The following ZNF383 variants were observed in gnomAD, a reference collection of about 807,000 sequenced individuals.
ZNF383 encodes the protein zinc finger protein 383.
In ZNF383, 32 loss-of-function variants were observed where a neutral mutation model predicts 44.2. The ratio of observed to expected loss-of-function variants is 0.72; its 90% CI spans 0.55 to 0.97. ZNF383 has a LOEUF of 0.97. Among genes scored for constraint, ZNF383 ranks in the 50% least tolerant of loss-of-function variants. The pLI is 0.00. For synonymous variants in ZNF383, 155 were observed against 186.2 expected (o/e 0.83, Z 1.36); for missense variants, 487 against 562.5 (o/e 0.87, Z 1.36).
intron 3 of ZNF383, among the ~76,000 whole-genome samples, chr19:37,232,958 A>T (rs565027005): frequency 8.7e-5 from 13 of 149,042 alleles, no homozygotes; most frequent in African/African-American, 2.5e-4. Flanking sequence ...ATATTCTCTT[A>T]TTTTTTTTTT....
rs1201342150 is a variant in ZNF383 at position 37,248,555 on chromosome 19, G to T, written c.*4891G>T. Reference sequence around the variant, plus strand: ...TGAACTCAGGAACCAAATAGATGTGGATAGCATGGGATTTTTGGAATACAA... The same window carrying T: ...TGAACTCAGGAACCAAATAGATGTGTATAGCATGGGATTTTTGGAATACAA... On this transcript the variant is annotated 3_prime_UTR_variant, in exon 6 of 6. Transcript: ENST00000684119. 1.3e-5 allele frequency: 2 copies of T among 152,142 alleles called. No homozygotes were observed. Among genetic ancestry groups the T allele is most frequent in the East Asian group, 3.9e-4 (2 of 5,190 alleles). 9.4% of individuals were successfully genotyped at this position (152,142 alleles called of 1,614,324 possible).
At chr19:37,235,375 G>C (rs1334743283) in intron 3 of ZNF383, among the ~76,000 whole-genome samples, 174 bp from the exon 4 acceptor site, 1 of 152,080 alleles carries the variant, frequency 6.6e-6, no homozygotes, top group East Asian at 1.9e-4. Flanking sequence ...GACAGAGTCA[G>C]GAATTTGTTT....
At chr19:37,235,884 T>C (rs1200136798) in intron 4 of ZNF383, 95 bp from the exon 5 acceptor site, 2 of 1,262,690 alleles carry the variant, frequency 1.6e-6, no homozygotes, top group African/African-American at 1.5e-5. Flanking sequence ...TTTCTTTGGC[T>C]GTTCCTGTAG....
At chr19:37,229,680 A>G (rs1973368969) in intron 2 of ZNF383, among the ~76,000 whole-genome samples, 1 of 123,598 alleles carries the variant, frequency 8.1e-6, no homozygotes, top group Non-Finnish European at 1.6e-5. Context: ...ATGTATGTAT[A>G]TGTGTGTGTA....
chr19:37,234,547 G>C (rs149470610), intron 3 of ZNF383, among the ~76,000 whole-genome samples: 2 of 151,924 alleles, frequency 1.3e-5, no homozygotes, highest in Non-Finnish European at 2.9e-5. Context: ...CCGCCACCAC[G>C]CCTGGCTAAT....
chr19:37,220,487 C>T (rs888773343), intron 1 of ZNF383, among the ~76,000 whole-genome samples: 1 of 151,664 alleles, frequency 6.6e-6, no homozygotes, highest in African/African-American at 2.4e-5. Context: ...TGTTCTTGAA[C>T]TCCTGACCTC....
At chr19:37,235,933 CT>C in intron 4 of ZNF383, 45 bp from the exon 5 acceptor site, 3 of 1,531,994 alleles carry the variant, frequency 2.0e-6, no homozygotes, top group Non-Finnish European at 1.8e-6. Context: ...ACTGGATCTC[CT>C]TTACCCCCAG....
intron 2 of ZNF383, chr19:37,225,357 G>A (rs1404744682): frequency 2.6e-5 from 4 of 152,328 alleles, no homozygotes; most frequent in Non-Finnish European, 4.4e-5. Context: ...GCCTCCCAAA[G>A]TGCTGGGATT....
Position 37,220,007 on chromosome 19 carries a change from ACACC to A in ZNF383, c.-168+1741_-168+1744del, listed in dbSNP as rs547244916. Among the ~76,000 whole-genome samples, 313 of 152,296 alleles carry A rather than the reference ACACC, an allele frequency of 2.1e-3. 3 individuals carry two copies. Among genetic ancestry groups the A allele is most frequent in the African/African-American group, 7.4e-3 (306 of 41,558 alleles). On this transcript the variant is annotated intron_variant, in intron 1 of 5. Coordinates refer to ENST00000684119, the MANE Select transcript of ZNF383 (RefSeq NM_001387601.1). ...CACTCTCCCCTCCTCTGTCTCACAC[ACACC>A]CACCCACACAATTCCAAAGAATTTA...
intron 3 of ZNF383, 101 bp downstream of exon 3, chr19:37,230,563 G>A: frequency 7.5e-7 from 1 of 1,341,046 alleles, no homozygotes; most frequent in East Asian, 2.4e-5. Flanking sequence ...GGCTAACAGA[G>A]TTCCCCTTCA....
rs1458274912 is a variant in ZNF383 at position 37,245,475 on chromosome 19, T to TTTG, written c.*1814_*1816dup. On this transcript the variant is annotated 3_prime_UTR_variant, in exon 6 of 6. Transcript: ENST00000684119. Reference sequence around the variant, plus strand: ...AATCCAGATATTAATTTTTTGTTTGTTTGTTTTTTTTTTTTTTTGAGATGG... The same window carrying TTTG: ...AATCCAGATATTAATTTTTTGTTTGTTTGTTGTTTTTTTTTTTTTTTGAGATGG... 1 of 148,748 alleles carries TTTG rather than the reference T, an allele frequency of 6.7e-6. No homozygotes were observed. The highest frequency in any genetic ancestry group is 1.5e-5 in the Non-Finnish European group (1 of 67,828). The allele number at this position is 148,748 out of a possible 1,614,324, so 9.2% of individuals were successfully genotyped here.
chr19:37,230,394 A>G lies in ZNF383; in HGVS notation c.-45-15A>G, dbSNP rs780785887. The G allele has an allele frequency of 6.9e-6, 11 of 1,599,910 alleles. No individual in the cohort carries two copies. The East Asian group carries it at 8.9e-5, about 13-fold the overall frequency. On this transcript the variant is annotated splice_polypyrimidine_tract_variant and intron_variant, in intron 2 of 5. Coordinates refer to ENST00000684119, the MANE Select transcript of ZNF383 (RefSeq NM_001387601.1). Reference sequence around the variant, plus strand: ...TTCCCCAGTCATGCAACCTCAGAACACTGTCCTTTTTCAGGAGAACGGCCT... The same window carrying G: ...TTCCCCAGTCATGCAACCTCAGAACGCTGTCCTTTTTCAGGAGAACGGCCT...
In ZNF383 at chr19:37,247,505, T is replaced by G. The variant is rs1425007045; in HGVS notation, c.*3841T>G. 1 of 152,140 alleles carries G rather than the reference T, an allele frequency of 6.6e-6. No homozygotes were observed. The highest frequency in any genetic ancestry group is 1.9e-4 in the East Asian group (1 of 5,190). 9.4% of individuals were successfully genotyped at this position (152,140 alleles called of 1,614,324 possible). Reference sequence around the variant, plus strand: ...ACTATACACTTTAAAAGGGTGAATATTATGCTGTGTGAATTTGATCTCAAT... The same window carrying G: ...ACTATACACTTTAAAAGGGTGAATAGTATGCTGTGTGAATTTGATCTCAAT... On this transcript the variant is annotated 3_prime_UTR_variant, in exon 6 of 6. Transcript: ENST00000684119.
chr19:37,221,881 G>A (rs1972934735), intron 1 of ZNF383, among the ~76,000 whole-genome samples: 1 of 151,152 alleles, frequency 6.6e-6, no homozygotes, highest in African/African-American at 2.4e-5. Context: ...GTGTGAACCC[G>A]GGAGGTGGAG....
intron 1 of ZNF383, among the ~76,000 whole-genome samples, chr19:37,220,319 A>G (rs1476548842): frequency 6.6e-6 from 1 of 152,118 alleles, no homozygotes; most frequent in Non-Finnish European, 1.5e-5. Flanking sequence ...GCTGGAGTGC[A>G]ATGGCTAGAT....
chr19:37,229,279 C>G (rs1973336210), intron 2 of ZNF383, among the ~76,000 whole-genome samples: 1 of 150,756 alleles, frequency 6.6e-6, no homozygotes, highest in African/African-American at 2.4e-5. Flanking sequence ...CTCAGCCTCC[C>G]GAGTAGCTAA....
At chr19:37,236,206 G>T (rs1648411694) in intron 5 of ZNF383, 132 bp downstream of exon 5, 1 of 576,846 alleles carries the variant, frequency 1.7e-6, no homozygotes, top group Non-Finnish European at 3.0e-6. Flanking sequence ...AGAAAATGAA[G>T]TCCTTTTAGC....
intron 5 of ZNF383, among the ~76,000 whole-genome samples, chr19:37,237,002 C>T: frequency 6.6e-6 from 1 of 150,908 alleles, no homozygotes; most frequent in East Asian, 2.0e-4. Flanking sequence ...CACAGAGACA[C>T]ACACACACAC....
At chr19:37,220,271 C>T (rs1035577569) in intron 1 of ZNF383, among the ~76,000 whole-genome samples, 1 of 152,052 alleles carries the variant, frequency 6.6e-6, no homozygotes, top group African/African-American at 2.4e-5. Flanking sequence ...CTCTGTTGCC[C>T]AGGCTGGAGT....
Sources: gnomAD v4.1 joint callset for allele counts (sites outside exome capture counted in the v4.1 genomes callset) on GRCh38, gnomAD v4.1.1 for gene constraint, MANE v1.5 for transcripts, NCBI Gene and HGNC (gene_info 2026-07-23, HGNC 2026-07-21) for gene names.